Variants in FABP7 observed in about 807,000 individuals in gnomAD.
FABP7 encodes fatty acid-binding protein, brain.
Under a neutral mutation model 14.2 loss-of-function variants are expected in FABP7, and 13 were observed. The observed-to-expected ratio is 0.91, with a 90% CI of 0.59 to 1.45. The LOEUF (loss-of-function observed/expected upper bound fraction) is 1.45. FABP7 is among the 40% of genes most tolerant of loss of function. The pLI, the probability that FABP7 is intolerant of heterozygous loss-of-function variation, is 0.00. For missense variants in FABP7, 149 were observed against 157.6 expected, an observed-to-expected ratio of 0.95 and a Z score of 0.29; for synonymous variants, 49 against 51.4, an observed-to-expected ratio of 0.95 and a Z score of 0.20.
chr6:122,776,017 T>C (rs186357521), upstream of FABP7, among the ~76,000 whole-genome samples: 2 of 152,080 alleles, frequency 1.3e-5, no homozygotes, highest in Admixed American at 6.6e-5. Context: ...CCAGTTAAAA[T>C]GGCTATTATC....
the FABP7 span, among the ~76,000 whole-genome samples, chr6:122,756,357 C>T: frequency 6.6e-6 from 1 of 152,174 alleles, no homozygotes; most frequent in Non-Finnish European, 1.5e-5. Context: ...TTCATATTTT[C>T]CTTAACTGCT....
chr6:122,758,192 C>G, the FABP7 span, among the ~76,000 whole-genome samples: 4 of 145,008 alleles, frequency 2.8e-5, no homozygotes, highest in African/African-American at 1.0e-4. Context: ...TATGCAAACT[C>G]TGCCTCCTGG....
At chr6:122,759,754 G>T in the FABP7 span, among the ~76,000 whole-genome samples, 1 of 152,142 alleles carries the variant, frequency 6.6e-6, no homozygotes, top group Admixed American at 6.5e-5. Context: ...AAATAACTAT[G>T]CTACAATACT....
intron 3 of FABP7, chr6:122,782,928 A>T: frequency 4.1e-6 from 4 of 985,334 alleles, no homozygotes; most frequent in Non-Finnish European, 4.8e-6. Flanking sequence ...TTATGCTTTT[A>T]CCTCCATTTT....
At chr6:122,773,881 C>CTT in the FABP7 span, among the ~76,000 whole-genome samples, 138 of 150,508 alleles carry the variant, frequency 9.2e-4, 1 homozygote, top group South Asian at 9.8e-3. Flanking sequence ...TATTTCACTA[C>CTT]TTTTTAAAAA....
chr6:122,753,733 C>T, the FABP7 span, among the ~76,000 whole-genome samples: 1 of 150,978 alleles, frequency 6.6e-6, no homozygotes, highest in Non-Finnish European at 1.5e-5. Flanking sequence ...GAAGTGGACT[C>T]GAGCAGCAGC....
the FABP7 span, among the ~76,000 whole-genome samples, chr6:122,755,495 G>A: frequency 7.4e-6 from 1 of 134,960 alleles, no homozygotes; most frequent in Non-Finnish European, 1.5e-5. Context: ...GTCTCGCTCT[G>A]TAGCCCAGGC....
chr6:122,751,625 T>C, the FABP7 span, among the ~76,000 whole-genome samples: 2 of 152,232 alleles, frequency 1.3e-5, no homozygotes, highest in East Asian at 1.9e-4. Flanking sequence ...ATTTAAATAA[T>C]GCAAATGGCA....
chr6:122,756,619 GAGT>G, the FABP7 span, among the ~76,000 whole-genome samples: 4 of 152,072 alleles, frequency 2.6e-5, no homozygotes, highest in Non-Finnish European at 4.4e-5. Context: ...CCCAATTTCT[GAGT>G]CCTTCTTTAT....
intron 3 of FABP7, chr6:122,782,374 A>G: frequency 1.9e-6 from 1 of 527,164 alleles, no homozygotes; most frequent in Non-Finnish European, 2.4e-6. Context: ...TACTTCCCGG[A>G]TGGCTCCTGG....
the FABP7 span, among the ~76,000 whole-genome samples, chr6:122,755,089 C>T: frequency 1.3e-5 from 2 of 151,966 alleles, no homozygotes; most frequent in African/African-American, 4.8e-5. Context: ...TCAATTTACT[C>T]TACCATTTCT....
the FABP7 span, among the ~76,000 whole-genome samples, chr6:122,750,851 G>A: frequency 1.3e-5 from 2 of 152,216 alleles, no homozygotes; most frequent in Non-Finnish European, 2.9e-5. Flanking sequence ...AGGGAAAGTT[G>A]AGAGACTACG....
At chr6:122,749,575 A>G in the FABP7 span, among the ~76,000 whole-genome samples, 64 of 152,274 alleles carry the variant, frequency 4.2e-4, no homozygotes, top group East Asian at 0.012. Flanking sequence ...CATGACTGAC[A>G]CCACCCAAGA....
chr6:122,767,449 G>A, the FABP7 span, among the ~76,000 whole-genome samples: 2 of 152,146 alleles, frequency 1.3e-5, no homozygotes, highest in East Asian at 3.9e-4. Flanking sequence ...AATACATAGA[G>A]GACTTCGGTA....
rs1258563753 is a variant in FABP7, at chr6:122,783,731, T to G, written c.363T>G (p.Gly121=). 6.2e-7 allele frequency: 1 copy of G among 1,606,578 alleles called. No homozygotes were observed. Among genetic ancestry groups the G allele is most frequent in the Admixed American group, 1.7e-5 (1 of 57,968 alleles). ...GAACCTTGCAGACCCTTACTTTTGGTGATGTGGTTGCTGTTCGCCACTATG... is the reference window on the plus strand; with the variant it reads ...GAACCTTGCAGACCCTTACTTTTGGGGATGTGGTTGCTGTTCGCCACTATG... The part of the protein sequence containing the change: ...DGKMVMTLTF[G]DVVAVRHYEK... Residue 121 remains glycine (G), a synonymous_variant, in exon 4 of 4, where the codon GGT becomes GGG. Coordinates refer to ENST00000368444, the MANE Select transcript of FABP7 (RefSeq NM_001446.5).
intron 2 of FABP7, 65 bp from the exon 3 acceptor site, chr6:122,781,028 G>A (rs568865171): frequency 8.6e-6 from 13 of 1,517,720 alleles, no homozygotes; most frequent in African/African-American, 4.1e-5. Context: ...AAATCACATC[G>A]TCTTCCGTAT....
At chr6:122,781,919 A>AT (rs1780799497) in intron 3 of FABP7, 2 of 455,820 alleles carry the variant, frequency 4.4e-6, no homozygotes, top group Non-Finnish European at 5.8e-6. Flanking sequence ...ATTTTTTTGT[A>AT]TTTTTGTAGA....
In FABP7 at chr6:122,781,435, TA is replaced by T. The variant is rs1222165480; in HGVS notation, c.348+248del. 8 of 1,400,604 alleles carry T rather than the reference TA, an allele frequency of 5.7e-6. No individual in the cohort carries two copies. In the Admixed American group the frequency reaches 1.8e-4, roughly 31 times the overall value. The allele number at this position is 1,400,604 out of a possible 1,614,324, so 86.8% of individuals were successfully genotyped here. A position where few individuals can be genotyped will look rare whatever the true frequency, so the allele number is the denominator to read the frequency against. The stretch of plus-strand genomic sequence containing the variant: ...AAAAAGAGAAAAATTCATGTGTAGT[TA>T]AAAAAATAAAAGTTGCCATTGATTT... On this transcript the variant is annotated intron_variant, in intron 3 of 3. Transcript: ENST00000368444.
the FABP7 span, among the ~76,000 whole-genome samples, chr6:122,770,298 C>T: frequency 2.0e-5 from 3 of 151,976 alleles, no homozygotes; most frequent in Admixed American, 2.0e-4. Flanking sequence ...AACAGCTTTT[C>T]ATGTTAACAT....
Sources: allele counts gnomAD v4.1 joint callset (sites outside exome capture counted in the v4.1 genomes callset), GRCh38; gene constraint gnomAD v4.1.1; transcripts MANE v1.5; gene names NCBI Gene and HGNC (gene_info 2026-07-23, HGNC 2026-07-21).